CPED1: variants seen among roughly 807,000 people sequenced by gnomAD.
CPED1 encodes the protein cadherin-like and PC-esterase domain-containing protein 1.
In CPED1, 114 loss-of-function variants were observed where a neutral mutation model predicts 128.2. The ratio of observed to expected loss-of-function variants is 0.89; its 90% CI spans 0.76 to 1.04. The LOEUF (loss-of-function observed/expected upper bound fraction) is 1.04. Among genes scored for constraint, CPED1 ranks in the 50% least tolerant of loss-of-function variants. CPED1 has a pLI of 0.00. For synonymous variants in CPED1, 462 were observed against 426.7 expected (o/e 1.08, Z -1.02); for missense variants, 1,211 against 1,207.1 (o/e 1.00, Z -0.05).
At chr7:121,099,719 A>G (rs952861467) in intron 6 of CPED1, among the ~76,000 whole-genome samples, 6 of 152,124 alleles carry the variant, frequency 3.9e-5, no homozygotes, top group Admixed American at 1.3e-4. Flanking sequence ...GTGGGGAACT[A>G]TTACCAATTT....
intron 3 of CPED1, among the ~76,000 whole-genome samples, chr7:121,020,521 G>A (rs1489487040): frequency 6.6e-6 from 1 of 151,944 alleles, no homozygotes; most frequent in Admixed American, 6.6e-5. Flanking sequence ...TCCAGAATAA[G>A]CCTATGTAAC....
chr7:121,153,796 T>A (rs28691048), intron 16 of CPED1, among the ~76,000 whole-genome samples: 2 of 151,906 alleles, frequency 1.3e-5, no homozygotes, highest in African/African-American at 2.4e-5. Flanking sequence ...AAGCGGATTT[T>A]AAAAAATAAA....
intron 2 of CPED1, among the ~76,000 whole-genome samples, chr7:121,007,437 C>A (rs1286061272): frequency 6.6e-6 from 1 of 151,956 alleles, no homozygotes; most frequent in African/African-American, 2.4e-5. Flanking sequence ...TATATGTTTA[C>A]TGTTTTATAG....
At chr7:121,000,117 C>A (rs1340882375) in intron 2 of CPED1, among the ~76,000 whole-genome samples, 1 of 152,150 alleles carries the variant, frequency 6.6e-6, no homozygotes, top group East Asian at 1.9e-4. Flanking sequence ...AACTCTGAGT[C>A]TGTGGCCTTT....
At chr7:121,108,584 A>G (rs1465642695) in intron 7 of CPED1, among the ~76,000 whole-genome samples, 1 of 152,098 alleles carries the variant, frequency 6.6e-6, no homozygotes, top group Non-Finnish European at 1.5e-5. Flanking sequence ...GAAGAAATGT[A>G]CATTTTGTAA....
chr7:121,014,746 G>C (rs1319359007), intron 2 of CPED1, among the ~76,000 whole-genome samples: 1 of 151,928 alleles, frequency 6.6e-6, no homozygotes, highest in Non-Finnish European at 1.5e-5. Flanking sequence ...ATTCCCAATT[G>C]TGTTTTTTAC....
intron 16 of CPED1, among the ~76,000 whole-genome samples, chr7:121,198,331 C>T (rs986221560): frequency 6.6e-6 from 1 of 152,078 alleles, no homozygotes; most frequent in African/African-American, 2.4e-5. Flanking sequence ...CTTTTTATAG[C>T]TTCTTAGATA....
At chr7:121,058,206 G>A (rs1391297423) in intron 4 of CPED1, among the ~76,000 whole-genome samples, 2 of 152,148 alleles carry the variant, frequency 1.3e-5, no homozygotes, top group Non-Finnish European at 2.9e-5. Context: ...TTTTACTCTT[G>A]TTAAGTGGAG....
chr7:121,059,407 A>C (rs1431330557), intron 4 of CPED1, among the ~76,000 whole-genome samples: 1 of 152,208 alleles, frequency 6.6e-6, no homozygotes, highest in African/African-American at 2.4e-5. Flanking sequence ...GTGGATGATA[A>C]TGAACAGCTT....
At chr7:121,046,294 T>C (rs1030303445) in intron 3 of CPED1, among the ~76,000 whole-genome samples, 8 of 152,132 alleles carry the variant, frequency 5.3e-5, no homozygotes, top group Non-Finnish European at 1.0e-4. Flanking sequence ...TATAACTATA[T>C]TACAAATTTC....
At chr7:121,239,849 C>T (rs1326494175) in intron 17 of CPED1, among the ~76,000 whole-genome samples, 2 of 152,134 alleles carry the variant, frequency 1.3e-5, no homozygotes, top group African/African-American at 2.4e-5. Context: ...AATTTCATTC[C>T]TCAGAATGTT....
At chr7:121,104,663 ATGTTAGATT>A (rs1794927876) in intron 7 of CPED1, among the ~76,000 whole-genome samples, 1 of 152,158 alleles carries the variant, frequency 6.6e-6, no homozygotes, top group African/African-American at 2.4e-5. Context: ...ATATTTGAAG[ATGTTAGATT>A]TGTTGCTATT....
chr7:121,193,995 G>GCTCT (rs373934011), intron 16 of CPED1, among the ~76,000 whole-genome samples: 66 of 87,370 alleles, frequency 7.6e-4, no homozygotes, highest in African/African-American at 2.0e-3. Flanking sequence ...GGATGAGCAA[G>GCTCT]CTCTCTCTCT....
chr7:121,184,928 C>A (rs1288248074), intron 16 of CPED1, among the ~76,000 whole-genome samples: 1 of 152,052 alleles, frequency 6.6e-6, no homozygotes, highest in African/African-American at 2.4e-5. Context: ...TGTCTGGAAC[C>A]ATTTAATTCC....
At chr7:120,993,908 T>C in intron 2 of CPED1, 2 of 277,000 alleles carry the variant, frequency 7.2e-6, no homozygotes, top group Admixed American at 4.5e-5. Context: ...CAGGTTGAGT[T>C]TTTTGGCTTC....
intron 5 of CPED1, among the ~76,000 whole-genome samples, chr7:121,088,660 A>C (rs550178013): frequency 1.1e-4 from 17 of 149,758 alleles, no homozygotes; most frequent in Non-Finnish European, 1.0e-4. Context: ...CTGCTTCTCA[A>C]AAAAAAAAGA....
intron 7 of CPED1, among the ~76,000 whole-genome samples, chr7:121,117,031 GTA>G (rs1795257310): frequency 1.6e-5 from 2 of 127,974 alleles, no homozygotes; most frequent in African/African-American, 5.9e-5. Context: ...CACATTATAT[GTA>G]TATACACACA....
intron 18 of CPED1, among the ~76,000 whole-genome samples, chr7:121,256,907 G>A (rs2140648): frequency 0.48 from 72,912 of 151,730 alleles, 20,394 homozygotes; most frequent in East Asian, 0.87. Flanking sequence ...GAGCAAAATC[G>A]CATCCTTTGC....
At chr7:121,264,080 A>T (rs1466831123) in intron 18 of CPED1, among the ~76,000 whole-genome samples, 1 of 152,060 alleles carries the variant, frequency 6.6e-6, no homozygotes. Context: ...AGATTAGGAC[A>T]TAGCCACAGA....
Sources: gnomAD v4.1 joint callset for allele counts (sites outside exome capture counted in the v4.1 genomes callset) on GRCh38, gnomAD v4.1.1 for gene constraint, MANE v1.5 for transcripts, NCBI Gene and HGNC (gene_info 2026-07-23, HGNC 2026-07-21) for gene names.